The following MDGA2 variants were observed in gnomAD, a reference collection of about 807,000 sequenced individuals.
The protein encoded by MDGA2 is MAM domain-containing glycosylphosphatidylinositol anchor protein 2.
MDGA2 carries 40 observed loss-of-function variants against 117.8 expected under a neutral mutation model. The ratio of observed to expected loss-of-function variants is 0.34; its 90% CI spans 0.26 to 0.44. MDGA2 has a LOEUF of 0.44. MDGA2 is among the 20% of genes least tolerant of loss of function. The probability of loss-of-function intolerance (pLI) is 1.00; values close to 1 mark genes in which losing one functional copy is unlikely to be tolerated. For synonymous variants in MDGA2, 452 were observed against 439.0 expected (o/e 1.03, Z -0.37); for missense variants, 1,123 against 1,250.6 (o/e 0.90, Z 1.54).
chr14:46,911,777 C>T (rs765225225), intron 10 of MDGA2, among the ~76,000 whole-genome samples: 14 of 152,124 alleles, frequency 9.2e-5, no homozygotes, highest in Non-Finnish European at 1.9e-4. Flanking sequence ...GCCCCAAACA[C>T]TTATAATATT....
intron 3 of MDGA2, among the ~76,000 whole-genome samples, chr14:47,185,587 T>G (rs1189648009): frequency 6.6e-6 from 1 of 151,514 alleles, no homozygotes; most frequent in African/African-American, 2.4e-5. Context: ...GAGTCAAAAC[T>G]GTAAAAAGAA....
chr14:47,179,725 T>TA (rs1364043953), intron 3 of MDGA2, among the ~76,000 whole-genome samples: 2 of 152,124 alleles, frequency 1.3e-5, no homozygotes, highest in East Asian at 3.8e-4. Flanking sequence ...CTAACAATTA[T>TA]AAAAAATTAA....
intron 1 of MDGA2, among the ~76,000 whole-genome samples, chr14:47,635,312 A>G (rs1468652187): frequency 6.6e-6 from 1 of 152,162 alleles, no homozygotes; most frequent in Non-Finnish European, 1.5e-5. Flanking sequence ...CACTAATAAA[A>G]TCAGATAAAT....
chr14:47,594,018 T>C (rs1896490690), intron 1 of MDGA2, among the ~76,000 whole-genome samples: 1 of 152,212 alleles, frequency 6.6e-6, no homozygotes, highest in African/African-American at 2.4e-5. Context: ...ACTGAATGAC[T>C]AGCAAAACTG....
At chr14:47,100,939 C>G (rs548847342) in intron 5 of MDGA2, among the ~76,000 whole-genome samples, 1 of 152,070 alleles carries the variant, frequency 6.6e-6, no homozygotes, top group African/African-American at 2.4e-5. Context: ...GGTAGTCTTC[C>G]AACATGTAAT....
chr14:47,548,465 A>C lies in MDGA2; in HGVS notation c.280+126052T>G, dbSNP rs117235205. ...TGACTAATTTTTTTGCTTAAGGACTAATCCAGAAAGTCTATATACTTTGTT... is the reference window on the plus strand; with the variant it reads ...TGACTAATTTTTTTGCTTAAGGACTCATCCAGAAAGTCTATATACTTTGTT... On this transcript the variant is annotated intron_variant, in intron 1 of 16. Coordinates refer to ENST00000399232, the MANE Select transcript of MDGA2 (RefSeq NM_001113498.3). Among the ~76,000 whole-genome samples the C allele has an allele frequency of 2.1e-3, 325 of 152,208 alleles. 3 individuals carry two copies. The highest frequency in any genetic ancestry group is 0.01 in the Middle Eastern group (3 of 294).
intron 5 of MDGA2, among the ~76,000 whole-genome samples, chr14:47,124,365 G>C (rs973915037): frequency 1.3e-5 from 2 of 151,996 alleles, no homozygotes; most frequent in Admixed American, 1.3e-4. Context: ...TCTTCCTTTA[G>C]AGTTGTGTTC....
At chr14:47,113,429 T>C (rs1391445750) in intron 5 of MDGA2, among the ~76,000 whole-genome samples, 2 of 152,138 alleles carry the variant, frequency 1.3e-5, no homozygotes, top group Admixed American at 1.3e-4. Context: ...AGCATGATCC[T>C]AGTACCAAAA....
At chr14:47,078,799 A>G (rs181716623) in intron 6 of MDGA2, among the ~76,000 whole-genome samples, 2 of 152,274 alleles carry the variant, frequency 1.3e-5, no homozygotes, top group East Asian at 1.9e-4. Flanking sequence ...TCCAGGCTTG[A>G]TAACACCTAT....
At position 47,147,361 on chromosome 14, in the gene MDGA2, T is replaced by C. The variant is rs148660843; in HGVS notation, c.596-3087A>G. ...GGGAAGTATCTTACAGATCAACACATATGAGAGAGTGAAAGAAGTAGGACT... is the reference window on the plus strand; with the variant it reads ...GGGAAGTATCTTACAGATCAACACACATGAGAGAGTGAAAGAAGTAGGACT... On this transcript the variant is annotated intron_variant, in intron 3 of 16. Transcript: ENST00000399232. 8.3e-4 allele frequency among the ~76,000 whole-genome samples: 126 copies of C among 152,154 alleles called. 1 individual carries two copies. Among genetic ancestry groups the C allele is most frequent in the African/African-American group, 2.9e-3 (119 of 41,516 alleles).
At chr14:47,561,163 G>GTTTTTTTTTTTTTTTT (rs1309865250) in intron 1 of MDGA2, among the ~76,000 whole-genome samples, 1 of 83,878 alleles carries the variant, frequency 1.2e-5, no homozygotes, top group African/African-American at 4.2e-5. Context: ...GTTTTGTTTT[G>GTTTTTTTTTTTTTTTT]TTTTTTTGTT....
intron 1 of MDGA2, among the ~76,000 whole-genome samples, chr14:47,458,023 A>C (rs1469481800): frequency 7.5e-6 from 1 of 133,586 alleles, no homozygotes; most frequent in Admixed American, 7.5e-5. Context: ...TTTTTTTTTT[A>C]ATCTTGTCAT....
intron 8 of MDGA2, among the ~76,000 whole-genome samples, chr14:47,033,509 T>C (rs1222404389): frequency 6.6e-6 from 1 of 152,212 alleles, no homozygotes; most frequent in Non-Finnish European, 1.5e-5. Flanking sequence ...TCTCATTTTT[T>C]AGAAAATGGG....
At chr14:47,425,312 G>A (rs1281869820) in intron 1 of MDGA2, among the ~76,000 whole-genome samples, 1 of 152,024 alleles carries the variant, frequency 6.6e-6, no homozygotes, top group African/African-American at 2.4e-5. Flanking sequence ...TGCACACATC[G>A]ATCCAGACAA....
chr14:47,188,033 G>T (rs1423833108), intron 3 of MDGA2, among the ~76,000 whole-genome samples: 2 of 151,974 alleles, frequency 1.3e-5, no homozygotes, highest in Non-Finnish European at 2.9e-5. Context: ...TAAAGGAAAA[G>T]ATATTTTCCC....
chr14:47,425,526 C>A (rs529201651), intron 1 of MDGA2, among the ~76,000 whole-genome samples: 1 of 152,174 alleles, frequency 6.6e-6, no homozygotes, highest in South Asian at 2.1e-4. Flanking sequence ...CACACACGCG[C>A]ACACAGAGAA....
intron 1 of MDGA2, among the ~76,000 whole-genome samples, chr14:47,488,831 T>A (rs562134241): frequency 5.9e-5 from 9 of 151,964 alleles, no homozygotes; most frequent in African/African-American, 1.9e-4. Flanking sequence ...AAATGTGCTA[T>A]GGGAAACATG....
chr14:47,612,776 TTTA>T (rs1896876402), intron 1 of MDGA2, among the ~76,000 whole-genome samples: 1 of 152,200 alleles, frequency 6.6e-6, no homozygotes, highest in South Asian at 2.1e-4. Flanking sequence ...TTAAGTGTAC[TTTA>T]TACATATTCC....
chr14:47,069,827 A>T (rs1011300525), intron 6 of MDGA2, among the ~76,000 whole-genome samples: 4 of 152,196 alleles, frequency 2.6e-5, no homozygotes, highest in African/African-American at 4.8e-5. Flanking sequence ...AACACTACAG[A>T]CCAAATAAAA....
Sources: allele counts gnomAD v4.1 joint callset (sites outside exome capture counted in the v4.1 genomes callset), GRCh38; gene constraint gnomAD v4.1.1; transcripts MANE v1.5; gene names NCBI Gene and HGNC (gene_info 2026-07-23, HGNC 2026-07-21).